CEP162: variants seen among roughly 807,000 people sequenced by gnomAD.
The protein encoded by CEP162 is centrosomal protein of 162 kDa.
In CEP162, 141 loss-of-function variants were observed where a neutral mutation model predicts 169.2. The observed-to-expected ratio is 0.83, with a 90% CI of 0.73 to 0.96. The LOEUF (loss-of-function observed/expected upper bound fraction) is 0.96, where lower values mean the gene tolerates loss of function less well. CEP162 is among the 40% of genes least tolerant of loss of function. CEP162 has a pLI of 0.00. For synonymous variants in CEP162, 540 were observed against 526.4 expected, an observed-to-expected ratio of 1.03 and a Z score of -0.35; for missense variants, 1,600 against 1,587.2, an observed-to-expected ratio of 1.01 and a Z score of -0.14.
chr6:84,140,406 TC>T (rs1436877593), intron 25 of CEP162, among the ~76,000 whole-genome samples: 7 of 152,228 alleles, frequency 4.6e-5, no homozygotes, highest in African/African-American at 1.7e-4. Context: ...GCAATGAAGG[TC>T]TTTGTTTTCT....
chr6:84,142,294 T>C (rs1321705277), intron 25 of CEP162, among the ~76,000 whole-genome samples: 1 of 152,228 alleles, frequency 6.6e-6, no homozygotes, highest in Non-Finnish European at 1.5e-5. Flanking sequence ...CATTCAACTA[T>C]TCTTTTACAA....
chr6:84,130,189 G>C (rs1426900285), intron 25 of CEP162, among the ~76,000 whole-genome samples: 1 of 152,160 alleles, frequency 6.6e-6, no homozygotes, highest in Non-Finnish European at 1.5e-5. Context: ...AACCAGACTT[G>C]CATCTCAGGG....
At position 84,195,058 on chromosome 6, in the gene CEP162, T is replaced by G; in HGVS notation, c.853A>C (p.Ser285Arg). 5.0e-6 allele frequency: 8 copies of G among 1,589,312 alleles called. No individual in the cohort carries two copies. The highest frequency in any genetic ancestry group is 6.8e-6 in the Non-Finnish European group (8 of 1,170,308). ...MTGTGVSYGQ[S>R]SSDVEALHQA... The stretch of plus-strand genomic sequence containing the variant: ...TGTAGGGCTTCAACGTCACTACTGC[T>G]TTGTCCATAAGAAACACCTGTTGAA... The change falls in exon 10 of 27, where the codon AGC (serine) becomes CGC (arginine). Residue 285 changes from serine to arginine, a missense_variant. Transcript: ENST00000403245.
intron 16 of CEP162, among the ~76,000 whole-genome samples, chr6:84,173,151 G>A (rs2099530884): frequency 1.3e-5 from 2 of 152,144 alleles, no homozygotes; most frequent in East Asian, 3.9e-4. Context: ...GAAAAGATAG[G>A]ACAGTTTTTA....
chr6:84,140,685 A>C (rs2099516204), intron 25 of CEP162, among the ~76,000 whole-genome samples: 1 of 152,020 alleles, frequency 6.6e-6, no homozygotes. Flanking sequence ...GTTACTGCAC[A>C]GGCTAATTTT....
chr6:84,174,946 T>C lies in CEP162; in HGVS notation c.1806A>G (p.Leu602=), dbSNP rs753864923. The change falls in exon 15 of 27, where the codon TTA becomes TTG. Residue 602 remains leucine, a synonymous_variant. Coordinates refer to ENST00000403245, the MANE Select transcript of CEP162 (RefSeq NM_014895.4). The part of the protein sequence containing the change: ...DSCIQFQTDS[L]GYCGENKEKK... ...TCTCCTTGTTCTCACCACAGTATCC[T>C]AAGGAATCCTTTCAAGACAAAGCAT... is the stretch of plus-strand genomic sequence containing the variant. 3 of 1,592,972 alleles carry C rather than the reference T, an allele frequency of 1.9e-6. No individual in the cohort carries two copies. The highest frequency in any genetic ancestry group is 2.3e-5 in the South Asian group (2 of 88,754).
intron 3 of CEP162, among the ~76,000 whole-genome samples, chr6:84,217,229 T>A (rs1478020178): frequency 6.6e-6 from 1 of 151,648 alleles, no homozygotes; most frequent in Non-Finnish European, 1.5e-5. Flanking sequence ...AGGCAATAAG[T>A]AAAATAAGTA....
In CEP162 at chr6:84,215,364, C is replaced by G. The variant is rs1189123403; in HGVS notation, c.421G>C (p.Gly141Arg). 1 of 1,606,230 alleles carries G rather than the reference C, an allele frequency of 6.2e-7. No individual in the cohort carries two copies. Among genetic ancestry groups the G allele is most frequent in the East Asian group, 2.2e-5 (1 of 44,672 alleles). ...KEQFFARLEK[G>R]LTSSIDYSRL... ...GAATAATCAATGGAAGATGTCAAGC[C>G]TTTCTCAAGCCTGGCAAAAAATTGT... The change falls in exon 5 of 27, where the codon GGC (glycine) becomes CGC (arginine). Residue 141 changes from glycine to arginine, a missense_variant. Physicochemically the swap from Gly to Arg is moderately radical, Grantham distance 125. Coordinates refer to ENST00000403245, the MANE Select transcript of CEP162 (RefSeq NM_014895.4).
At position 84,149,410 on chromosome 6, in the gene CEP162, TAAA is replaced by T. The variant is rs559805214; in HGVS notation, c.3771+149_3771+151del. 5.3e-5 allele frequency among the ~76,000 whole-genome samples: 8 copies of T among 152,086 alleles called. No homozygotes were observed. In the East Asian group the frequency reaches 1.5e-3, roughly 29 times the overall value. The stretch of plus-strand genomic sequence containing the variant: ...ATTAAATATATAGTATTATCTTCTT[TAAA>T]AAAGAAATCAAGCCAATAATAGTTT... On this transcript the variant is annotated intron_variant, in intron 24 of 26. Coordinates refer to ENST00000403245, the MANE Select transcript of CEP162 (RefSeq NM_014895.4).
At chr6:84,145,286 G>A (rs903949992) in intron 25 of CEP162, among the ~76,000 whole-genome samples, 1 of 152,034 alleles carries the variant, frequency 6.6e-6, no homozygotes, top group African/African-American at 2.4e-5. Context: ...TTTGGCATGC[G>A]TTTCTAGCCT....
intron 1 of CEP162, 127 bp from the exon 2 acceptor site, chr6:84,226,579 T>A: frequency 3.5e-6 from 2 of 569,458 alleles, no homozygotes; most frequent in South Asian, 4.5e-5. Flanking sequence ...CAGTAAGAGC[T>A]GGTCAAGAGA....
Position 84,152,675 on chromosome 6 carries a change from A to C in CEP162, c.3499T>G (p.Ser1167Ala). 2 of 1,612,104 alleles carry C rather than the reference A, an allele frequency of 1.2e-6. No individual in the cohort carries two copies. The highest frequency in any genetic ancestry group is 1.7e-6 in the Non-Finnish European group (2 of 1,179,094). ...TCTTGTAAAACTTCTGAAACATGGG[A>C]ATCAGTGAAAGTATGTGGTTGGTAC... is the stretch of plus-strand genomic sequence containing the variant. The part of the protein sequence containing the change: ...KLYQPHTFTD[S>A]HVSEVLQENY... The change falls in exon 23 of 27, where the codon TCC (serine) becomes GCC (alanine). Residue 1167 changes from serine (S) to alanine (A), a missense_variant. Ser to Ala is a moderately conservative substitution (Grantham distance 99). Transcript: ENST00000403245.
rs2099537279 is a variant in CEP162 at position 84,186,631 on chromosome 6, A to G, written c.1110-8T>C. On this transcript the variant is annotated splice_polypyrimidine_tract_variant and splice_region_variant and intron_variant, in intron 11 of 26. Coordinates refer to ENST00000403245, the MANE Select transcript of CEP162 (RefSeq NM_014895.4). ...TCGGCCACTTTCTCAGAGCTATAAA[A>G]CAAAACAGGACACAGATAATGAACC... is the stretch of plus-strand genomic sequence containing the variant. The G allele has an allele frequency of 6.3e-7, 1 of 1,587,592 alleles. No individual in the cohort carries two copies. The highest frequency in any genetic ancestry group is 1.4e-5 in the African/African-American group (1 of 73,920).
intron 17 of CEP162, among the ~76,000 whole-genome samples, chr6:84,170,465 A>C (rs977169682): frequency 6.6e-6 from 1 of 151,466 alleles, no homozygotes; most frequent in East Asian, 1.9e-4. Context: ...CTGGGGTTAC[A>C]CTTACCAACT....
At chr6:84,200,644 AATT>A in intron 9 of CEP162, 142 bp downstream of exon 9, 1 of 423,250 alleles carries the variant, frequency 2.4e-6, no homozygotes, top group Admixed American at 3.6e-5. Context: ...CAATTATTTA[AATT>A]ATTATTATGG....
chr6:84,195,052 T>A lies in CEP162; in HGVS notation c.859A>T (p.Ser287Cys). The A allele has an allele frequency of 6.3e-7, 1 of 1,594,960 alleles. No individual in the cohort carries two copies. The highest frequency in any genetic ancestry group is 1.7e-4 in the Middle Eastern group (1 of 6,028). Residue 287 changes from serine to cysteine, a missense_variant, in exon 10 of 27, where the codon AGT becomes TGT. Physicochemically the swap from Ser to Cys is moderately radical, Grantham distance 112. Coordinates refer to ENST00000403245, the MANE Select transcript of CEP162 (RefSeq NM_014895.4). Reference sequence around the variant, plus strand: ...GCTTGATGTAGGGCTTCAACGTCACTACTGCTTTGTCCATAAGAAACACCT... The same window carrying A: ...GCTTGATGTAGGGCTTCAACGTCACAACTGCTTTGTCCATAAGAAACACCT... ...GTGVSYGQSS[S>C]DVEALHQAYC...
intron 17 of CEP162, among the ~76,000 whole-genome samples, chr6:84,169,893 T>C (rs1005191590): frequency 1.3e-5 from 2 of 152,158 alleles, no homozygotes; most frequent in African/African-American, 2.4e-5. Context: ...ATTCCAGAGA[T>C]ATTATAGAAG....
chr6:84,139,933 G>GCTGGTGTGTTCACGGTTCTCCCCAGA (rs2099515842), intron 25 of CEP162, among the ~76,000 whole-genome samples: 1 of 151,142 alleles, frequency 6.6e-6, no homozygotes, highest in African/African-American at 2.5e-5. Context: ...ACCCTCTCAG[G>GCTGGTGTGTTCACGGTTCTCCCCAGA]CTGGTGTGTT....
chr6:84,161,847 G>A lies in CEP162; in HGVS notation c.2575C>T (p.Gln859Ter). ...TCAGCATACCACTGTAATCTTTTTT[G>A]CAGACGACTGATTTCTTGTTTATGT... ...ETHKQEISRLQKRLQWYAENQ... is the reference protein window; with the variant it reads ...ETHKQEISRL The change falls in exon 20 of 27, where the codon CAA becomes TAA. Residue 859 changes from glutamine to a stop codon, truncating the protein, a stop_gained. Coordinates refer to ENST00000403245, the MANE Select transcript of CEP162 (RefSeq NM_014895.4). LOFTEE classifies it high-confidence loss of function. 1 of 1,586,182 alleles carries A rather than the reference G, an allele frequency of 6.3e-7. No individual in the cohort carries two copies. The highest frequency in any genetic ancestry group is 8.6e-7 in the Non-Finnish European group (1 of 1,161,834).
Sources: allele counts gnomAD v4.1 joint callset (sites outside exome capture counted in the v4.1 genomes callset), GRCh38; gene constraint gnomAD v4.1.1; transcripts MANE v1.5; gene names NCBI Gene and HGNC (gene_info 2026-07-23, HGNC 2026-07-21).